The following WDR7 variants were observed in gnomAD, a reference collection of about 807,000 sequenced individuals.
WDR7 encodes the protein WD repeat-containing protein 7.
A neutral mutation model predicts 169.4 loss-of-function variants in WDR7; 46 were observed. That is an observed-to-expected ratio of 0.27 (90% confidence interval 0.21 to 0.35). The LOEUF (loss-of-function observed/expected upper bound fraction) is 0.35. Among genes scored for constraint, WDR7 ranks in the 10% least tolerant of loss-of-function variants. The pLI is 1.00. For missense variants in WDR7, 1,534 were observed against 1,859.3 expected (o/e 0.83, Z 3.22); for synonymous variants, 612 against 666.8 (o/e 0.92, Z 1.27).
intron 20 of WDR7, among the ~76,000 whole-genome samples, chr18:56,860,579 A>G (rs1223329423): frequency 6.6e-6 from 1 of 152,200 alleles, no homozygotes; most frequent in Non-Finnish European, 1.5e-5. Flanking sequence ...TAATTTCAGG[A>G]AAAAACTCAT....
rs772185811 is a variant in WDR7, at chr18:57,027,232, C to T, written c.*25C>T. 5.7e-6 allele frequency: 9 copies of T among 1,588,992 alleles called. No individual in the cohort carries two copies. Among genetic ancestry groups the T allele is most frequent in the East Asian group, 4.6e-5 (2 of 43,158 alleles). On this transcript the variant is annotated 3_prime_UTR_variant, in exon 28 of 28. Coordinates refer to ENST00000254442, the MANE Select transcript of WDR7 (RefSeq NM_015285.3). ...ATGCTGCTGCCTGCCGCCGTGACTG[C>T]GTTTTAGTTCTCTAAATTATCCAAG...
At chr18:56,755,481 A>G (rs2043870824) in intron 14 of WDR7, among the ~76,000 whole-genome samples, 1 of 152,242 alleles carries the variant, frequency 6.6e-6, no homozygotes, top group African/African-American at 2.4e-5. Flanking sequence ...GAGCAAAGAT[A>G]AGTGGTCTGA....
intron 22 of WDR7, among the ~76,000 whole-genome samples, chr18:56,934,884 A>C (rs1051941041): frequency 6.6e-6 from 1 of 152,224 alleles, no homozygotes; most frequent in African/African-American, 2.4e-5. Context: ...ATTGTATTCC[A>C]TACTGAGTAA....
intron 16 of WDR7, among the ~76,000 whole-genome samples, chr18:56,772,430 G>A (rs2044179281): frequency 6.6e-6 from 1 of 152,110 alleles, no homozygotes; most frequent in Admixed American, 6.5e-5. Flanking sequence ...CGAAGAGATG[G>A]TTCAAGGAAA....
At chr18:56,836,438 G>A (rs1211397824) in intron 20 of WDR7, among the ~76,000 whole-genome samples, 2 of 152,184 alleles carry the variant, frequency 1.3e-5, no homozygotes, top group African/African-American at 2.4e-5. Context: ...GTTTTGGGAT[G>A]TGATTCCTTC....
At chr18:56,942,743 G>A (rs548802072) in intron 25 of WDR7, among the ~76,000 whole-genome samples, 8 of 152,064 alleles carry the variant, frequency 5.3e-5, no homozygotes, top group East Asian at 1.9e-4. Context: ...AAATCCTCAC[G>A]TTAAGTAAGG....
intron 16 of WDR7, among the ~76,000 whole-genome samples, chr18:56,763,120 C>T (rs1222288739): frequency 4.6e-5 from 7 of 151,954 alleles, no homozygotes; most frequent in Admixed American, 6.6e-5. Flanking sequence ...GCACCACGCC[C>T]AGCTAATTTT....
chr18:56,819,083 A>G (rs1360235667), intron 20 of WDR7, among the ~76,000 whole-genome samples: 1 of 152,188 alleles, frequency 6.6e-6, no homozygotes, highest in East Asian at 1.9e-4. Context: ...TGCTTTCACT[A>G]AAGGCAGAAT....
At chr18:56,722,081 T>C (rs2026335001) in intron 13 of WDR7, among the ~76,000 whole-genome samples, 1 of 152,210 alleles carries the variant, frequency 6.6e-6, no homozygotes. Flanking sequence ...TGAACTTAAG[T>C]ACCTAATAAA....
At chr18:56,716,291 C>T (rs142903366) in intron 12 of WDR7, among the ~76,000 whole-genome samples, 18 of 151,922 alleles carry the variant, frequency 1.2e-4, no homozygotes, top group Admixed American at 5.9e-4. Flanking sequence ...ATTCTATTAA[C>T]GTTTTAATGA....
intron 26 of WDR7, among the ~76,000 whole-genome samples, chr18:57,020,384 A>G (rs28609547): frequency 0.28 from 42,854 of 152,140 alleles, 6,188 homozygotes; most frequent in Admixed American, 0.31. Flanking sequence ...GTTCCTGGAT[A>G]CTTCTGGTGA....
At chr18:56,734,434 C>G (rs888690603) in intron 14 of WDR7, among the ~76,000 whole-genome samples, 3 of 151,300 alleles carry the variant, frequency 2.0e-5, no homozygotes, top group African/African-American at 7.3e-5. Flanking sequence ...GTAGCCTCCT[C>G]TTTCCAGTTG....
chr18:57,014,062 A>G (rs548800813), intron 26 of WDR7, among the ~76,000 whole-genome samples: 53 of 152,306 alleles, frequency 3.5e-4, no homozygotes, highest in African/African-American at 1.2e-3. Context: ...ACAGTGGTTC[A>G]CGCCTATAAT....
intron 26 of WDR7, among the ~76,000 whole-genome samples, chr18:56,986,615 C>G (rs2047724112): frequency 6.6e-6 from 1 of 152,030 alleles, no homozygotes; most frequent in Non-Finnish European, 1.5e-5. Flanking sequence ...GATGACAGAT[C>G]TGTACAGAAC....
intron 20 of WDR7, among the ~76,000 whole-genome samples, chr18:56,837,277 A>G (rs1373943742): frequency 6.6e-6 from 1 of 152,224 alleles, no homozygotes; most frequent in Non-Finnish European, 1.5e-5. Context: ...CATTGTGACC[A>G]TTTTGTGAGC....
intron 26 of WDR7, among the ~76,000 whole-genome samples, chr18:56,993,396 C>T (rs568237697): frequency 3.9e-5 from 6 of 152,066 alleles, no homozygotes; most frequent in African/African-American, 9.6e-5. Context: ...TGGAATGATG[C>T]CATCTGCTAT....
At chr18:56,993,357 CAATTT>C (rs1361083336) in intron 26 of WDR7, among the ~76,000 whole-genome samples, 1 of 152,112 alleles carries the variant, frequency 6.6e-6, no homozygotes, top group Non-Finnish European at 1.5e-5. Flanking sequence ...ACATAGTAAT[CAATTT>C]AATTTTTTTC....
chr18:56,656,366 G>A (rs770630539), intron 1 of WDR7, among the ~76,000 whole-genome samples: 1 of 146,622 alleles, frequency 6.8e-6, no homozygotes, highest in Non-Finnish European at 1.5e-5. Flanking sequence ...TGCAACCTCC[G>A]CCTCCCAGAT....
chr18:56,741,463 C>T (rs530740367), intron 14 of WDR7, among the ~76,000 whole-genome samples: 2 of 152,090 alleles, frequency 1.3e-5, no homozygotes, highest in African/African-American at 2.4e-5. Flanking sequence ...TGTATTTAAT[C>T]GGCCCTTCCT....
Sources: gnomAD v4.1 joint callset for allele counts (sites outside exome capture counted in the v4.1 genomes callset) on GRCh38, gnomAD v4.1.1 for gene constraint, MANE v1.5 for transcripts, NCBI Gene and HGNC (gene_info 2026-07-23, HGNC 2026-07-21) for gene names.